Variants in CAPRIN2 observed in about 807,000 individuals in gnomAD.
CAPRIN2 encodes caprin family member 2.
In CAPRIN2, 66 loss-of-function variants were observed where a neutral mutation model predicts 130.4. The ratio of observed to expected loss-of-function variants is 0.51; its 90% CI spans 0.42 to 0.62. The LOEUF (loss-of-function observed/expected upper bound fraction) is 0.62, where lower values mean the gene tolerates loss of function less well. Ranked by LOEUF, CAPRIN2 falls within the 20% of genes least tolerant of loss-of-function variation. The pLI, the probability that CAPRIN2 is intolerant of heterozygous loss-of-function variation, is 0.00. For missense variants in CAPRIN2, 1,185 were observed against 1,246.6 expected (o/e 0.95, Z 0.74); for synonymous variants, 471 against 444.1 (o/e 1.06, Z -0.76).
intron 15 of CAPRIN2, among the ~76,000 whole-genome samples, chr12:30,713,246 G>T (rs2055915580): frequency 6.6e-6 from 1 of 152,126 alleles, no homozygotes; most frequent in Admixed American, 6.5e-5. Context: ...TGTTAAAGTG[G>T]AATTTCTAAC....
At chr12:30,718,026 A>G (rs2058204146) in intron 12 of CAPRIN2, among the ~76,000 whole-genome samples, 2 of 152,232 alleles carry the variant, frequency 1.3e-5, no homozygotes, top group African/African-American at 4.8e-5. Flanking sequence ...ACCAATGTGT[A>G]CCGGGTAGGA....
chr12:30,730,091 G>C, intron 7 of CAPRIN2, 148 bp downstream of exon 8: 2 of 627,584 alleles, frequency 3.2e-6, no homozygotes, highest in East Asian at 2.7e-5. Context: ...AGCTGGACCA[G>C]ATTTCTTGCC....
intron 12 of CAPRIN2, among the ~76,000 whole-genome samples, chr12:30,716,985 C>T (rs370998377): frequency 4.6e-5 from 7 of 152,116 alleles, no homozygotes; most frequent in South Asian, 2.1e-4. Flanking sequence ...CATGCATTGC[C>T]GGTGGGAATG....
At chr12:30,720,377 T>C (rs73079971) in intron 12 of CAPRIN2, 11,340 of 156,076 alleles carry the variant, frequency 0.073, 479 homozygotes, top group Middle Eastern at 0.13. Context: ...AGCCACTGCA[T>C]CTGACCGAAA....
At chr12:30,734,694 T>A (rs930069684) in intron 4 of CAPRIN2, among the ~76,000 whole-genome samples, 2 of 152,250 alleles carry the variant, frequency 1.3e-5, no homozygotes, top group Middle Eastern at 3.4e-3. Context: ...CTCATTTTTT[T>A]AAAAATCAGT....
chr12:30,735,966 C>A (rs1211440785), intron 3 of CAPRIN2, among the ~76,000 whole-genome samples: 1 of 151,856 alleles, frequency 6.6e-6, no homozygotes, highest in African/African-American at 2.4e-5. Flanking sequence ...CATGGCAAAA[C>A]CCCATCTCTA....
rs542944138 is a variant in CAPRIN2 at position 30,716,073 on chromosome 12, T to A, written c.2317+435A>T. ...CATGAAAAATCAAAATAGCCTCCCATCTCTAAGCAAACAGTACAATGAGCA... is the reference window on the plus strand; with the variant it reads ...CATGAAAAATCAAAATAGCCTCCCAACTCTAAGCAAACAGTACAATGAGCA... On this transcript the variant is annotated intron_variant, in intron 13 of 16. Transcript: ENST00000298892. 5.7e-5 allele frequency: 9 copies of A among 158,508 alleles called. No individual in the cohort carries two copies. In the South Asian group the frequency reaches 1.7e-3, roughly 31 times the overall value. 9.8% of individuals were successfully genotyped at this position (158,508 alleles called of 1,614,324 possible).
chr12:30,720,849 CAGA>C, exon 12 of CAPRIN2: 1 of 1,613,490 alleles, frequency 6.2e-7, no homozygotes. Flanking sequence ...GTTTCAGATC[CAGA>C]AGAAGCCTGA....
intron 2 of CAPRIN2, among the ~76,000 whole-genome samples, chr12:30,745,396 T>C (rs758474080): frequency 6.6e-6 from 1 of 152,192 alleles, no homozygotes; most frequent in Non-Finnish European, 1.5e-5. Context: ...CATTAGACAT[T>C]CTTTTTACTA....
At chr12:30,753,681 G>T (rs1374182043) in exon 1 of CAPRIN2, 1 of 1,614,024 alleles carries the variant, frequency 6.2e-7, no homozygotes, top group Admixed American at 1.7e-5. Context: ...AACTTCCCTG[G>T]AAAGTCTAGA....
chr12:30,737,943 C>G (rs2065673840), intron 3 of CAPRIN2, among the ~76,000 whole-genome samples: 1 of 151,956 alleles, frequency 6.6e-6, no homozygotes, highest in Non-Finnish European at 1.5e-5. Flanking sequence ...TGAATCCCTA[C>G]CAGGAGACAG....
At chr12:30,740,274 C>T (rs2066815531) in intron 3 of CAPRIN2, among the ~76,000 whole-genome samples, 1 of 137,012 alleles carries the variant, frequency 7.3e-6, no homozygotes, top group Non-Finnish European at 1.7e-5. Flanking sequence ...GTCTCTAAAA[C>T]ATAATAAAAA....
At chr12:30,727,438 A>T (rs1299145575) in intron 8 of CAPRIN2, among the ~76,000 whole-genome samples, 1 of 152,192 alleles carries the variant, frequency 6.6e-6, no homozygotes, top group Non-Finnish European at 1.5e-5. Flanking sequence ...TCATATTATT[A>T]TATTAGAGGT....
At position 30,731,345 on chromosome 12, in the gene CAPRIN2, G is replaced by T; in HGVS notation, c.1058C>A (p.Ser353Ter). Reference sequence around the variant, plus strand: ...GATTTTCAGAGGTCACAACAAACCTGACTCTTTGACAGATTCAGTCTTCGA... The same window carrying T: ...GATTTTCAGAGGTCACAACAAACCTTACTCTTTGACAGATTCAGTCTTCGA... The change falls in exon 6 of 17, where the codon TCA (serine) becomes TAA (stop). Residue 353 changes from serine (S) to a stop codon, truncating the protein, a stop_gained and splice_region_variant. Coordinates refer to ENST00000298892, the Ensembl canonical transcript of CAPRIN2. LOFTEE classifies it high-confidence loss of function. The T allele has an allele frequency of 1.9e-6, 3 of 1,611,348 alleles. No individual in the cohort carries two copies. The South Asian group carries it at 3.3e-5, about 18-fold the overall frequency.
At position 30,737,885 on chromosome 12, in the gene CAPRIN2, C is replaced by T. The variant is rs1484859327; in HGVS notation, c.571-2679G>A. 5.3e-5 allele frequency among the ~76,000 whole-genome samples: 8 copies of T among 152,196 alleles called. No individual in the cohort carries two copies. The East Asian group carries it at 1.5e-3, about 29-fold the overall frequency. Reference sequence around the variant, plus strand: ...GTGCTGGGATCACACACGTGAGCCACCGCGCCTGGCCGATAAAATTGGTTT... The same window carrying T: ...GTGCTGGGATCACACACGTGAGCCATCGCGCCTGGCCGATAAAATTGGTTT... On this transcript the variant is annotated intron_variant, in intron 3 of 16. Coordinates refer to ENST00000298892, the Ensembl canonical transcript of CAPRIN2.
intron 14 of CAPRIN2, 39 bp from the exon 17 acceptor site, chr12:30,713,924 A>C: frequency 3.3e-6 from 4 of 1,200,428 alleles, no homozygotes; most frequent in Non-Finnish European, 4.9e-6. Context: ...TATGGACAAA[A>C]TCATATTAAA....
intron 1 of CAPRIN2, among the ~76,000 whole-genome samples, chr12:30,752,297 T>C (rs550764080): frequency 6.6e-6 from 1 of 152,140 alleles, no homozygotes; most frequent in African/African-American, 2.4e-5. Context: ...TCCCAGAAGG[T>C]TGAAACAAAA....
chr12:30,724,419 A>C (rs757909800), exon 10 of CAPRIN2: 1 of 1,612,996 alleles, frequency 6.2e-7, no homozygotes, highest in Non-Finnish European at 8.5e-7. Context: ...TTGGAATTGC[A>C]CTTGAAGGTT....
intron 3 of CAPRIN2, among the ~76,000 whole-genome samples, chr12:30,737,625 T>G (rs2065478119): frequency 6.8e-6 from 1 of 146,036 alleles, no homozygotes. Context: ...TGAGACGTAG[T>G]CTCACTCTGT....
Sources: gnomAD v4.1 joint callset for allele counts (sites outside exome capture counted in the v4.1 genomes callset) on GRCh38, gnomAD v4.1.1 for gene constraint, MANE v1.5 for transcripts, NCBI Gene and HGNC (gene_info 2026-07-23, HGNC 2026-07-21) for gene names.